The following CREM variants were observed in gnomAD, a reference collection of about 807,000 sequenced individuals.
CREM encodes the protein cAMP-responsive element modulator.
CREM carries 13 observed loss-of-function variants against 37.3 expected under a neutral mutation model. The ratio of observed to expected loss-of-function variants is 0.35; its 90% confidence interval spans 0.23 to 0.55. The LOEUF (loss-of-function observed/expected upper bound fraction) is 0.55. CREM is among the 20% of genes least tolerant of loss of function. The pLI is 0.88. For missense variants in CREM, 296 were observed against 362.3 expected (o/e 0.82, Z 1.49); for synonymous variants, 124 against 120.2 (o/e 1.03, Z -0.21).
intron 2 of CREM, among the ~76,000 whole-genome samples, chr10:35,141,137 A>T (rs1008182067): frequency 2.0e-5 from 3 of 152,114 alleles, no homozygotes; most frequent in Admixed American, 2.0e-4. Context: ...ATTTTTTGAG[A>T]CAGTCTCACT....
intron 6 of CREM, among the ~76,000 whole-genome samples, chr10:35,204,068 A>G (rs949994438): frequency 1.3e-5 from 2 of 152,246 alleles, no homozygotes; most frequent in African/African-American, 4.8e-5. Flanking sequence ...GTGGGTGAAG[A>G]GAAAAAAGAG....
chr10:35,211,140 A>G (rs2095656751), intron 7 of CREM, 114 bp from the exon 8 acceptor site: 1 of 1,092,238 alleles, frequency 9.2e-7, no homozygotes, highest in Non-Finnish European at 1.3e-6. Context: ...GGCTTTGTAC[A>G]GTCCTTACCT....
intron 3 of CREM, among the ~76,000 whole-genome samples, chr10:35,171,710 G>A (rs2093829288): frequency 6.6e-6 from 1 of 152,090 alleles, no homozygotes; most frequent in Non-Finnish European, 1.5e-5. Flanking sequence ...GGACCCCTGG[G>A]TTTCCCCCGC....
chr10:35,140,550 C>CTA (rs1280984762), intron 2 of CREM, among the ~76,000 whole-genome samples: 2 of 152,172 alleles, frequency 1.3e-5, no homozygotes, highest in Non-Finnish European at 2.9e-5. Context: ...ATATACTGTA[C>CTA]TAGGCACTGG....
chr10:35,127,028 CCGCGGCTACCGCATCACAGCTGACGT>C lies in CREM; in HGVS notation c.-219_-194del, dbSNP rs2087894513. ...TTTTGGTCCGGGGTCGGCAGGGAGG[CCGCGGCTACCGCATCACAGCTGACGT>C]GAGGACTACGTGGGGCCGCTGCCGG... On this transcript the variant is annotated 5_prime_UTR_variant, in exon 1 of 8. Transcript: ENST00000685392. 1 of 152,664 alleles carries C rather than the reference CCGCGGCTACCGCATCACAGCTGACGT, an allele frequency of 6.6e-6. No homozygotes were observed. Among genetic ancestry groups the C allele is most frequent in the African/African-American group, 2.4e-5 (1 of 41,448 alleles). The allele number at this position is 152,664 out of a possible 1,614,324, so 9.5% of individuals were successfully genotyped here.
At chr10:35,159,459 G>T (rs2093154309) in intron 3 of CREM, among the ~76,000 whole-genome samples, 1 of 152,018 alleles carries the variant, frequency 6.6e-6, no homozygotes, top group Non-Finnish European at 1.5e-5. Context: ...AACAAAAATG[G>T]CAGGACCACA....
At chr10:35,148,118 A>G (rs1214634218) in intron 2 of CREM, among the ~76,000 whole-genome samples, 2 of 152,196 alleles carry the variant, frequency 1.3e-5, no homozygotes, top group Non-Finnish European at 2.9e-5. Flanking sequence ...TTTATGTTTC[A>G]TATACACCTT....
In CREM at chr10:35,176,424, T is replaced by G. The variant is rs184005144; in HGVS notation, c.169-2465T>G. ...TTTTTTTCTTCTTTTTTTTTTTTTT[T>G]TGAGACAGAGTCTCGCTTTGTCGCC... On this transcript the variant is annotated intron_variant, in intron 3 of 7. Coordinates refer to ENST00000685392, the MANE Select transcript of CREM (RefSeq NM_183011.2). Among the ~76,000 whole-genome samples, 920 of 151,306 alleles carry G rather than the reference T, an allele frequency of 6.1e-3. 6 individuals carry two copies. The highest frequency in any genetic ancestry group is 0.021 in the African/African-American group (866 of 41,266).
rs959782298 is a variant in CREM, at chr10:35,147,046, T to G, written c.45-1322T>G. On this transcript the variant is annotated intron_variant, in intron 2 of 7. Coordinates refer to ENST00000685392, the MANE Select transcript of CREM (RefSeq NM_183011.2). ...AGTTTCTATAAGTTTTTTGGGTTTT[T>G]TTTTTTTTTTTTTTTTTTTTTTAAG... Among the ~76,000 whole-genome samples the G allele has an allele frequency of 4.8e-3, 333 of 69,576 alleles. 2 individuals carry two copies. The highest frequency in any genetic ancestry group is 0.023 in the South Asian group (40 of 1,744). The allele number at this position is 69,576 out of a possible 152,430, so 45.6% of individuals were successfully genotyped here. A position where few individuals can be genotyped will look rare whatever the true frequency, so the allele number is the denominator to read the frequency against.
At chr10:35,130,270 TTAAA>T (rs983516017) in intron 1 of CREM, among the ~76,000 whole-genome samples, 20 of 152,224 alleles carry the variant, frequency 1.3e-4, no homozygotes, top group Non-Finnish European at 2.5e-4. Flanking sequence ...AATGAACATT[TTAAA>T]TAATTATGTT....
chr10:35,130,895 A>G (rs2089242043), intron 1 of CREM, among the ~76,000 whole-genome samples: 2 of 152,238 alleles, frequency 1.3e-5, no homozygotes, highest in Admixed American at 6.5e-5. Flanking sequence ...AGTTATAGCA[A>G]GGTTTACAAA....
At chr10:35,194,719 T>C (rs1482324092) in intron 6 of CREM, among the ~76,000 whole-genome samples, 1 of 151,238 alleles carries the variant, frequency 6.6e-6, no homozygotes, top group Admixed American at 6.6e-5. Context: ...AAATATGGTA[T>C]TTCTTTGCTG....
chr10:35,138,459 C>G (rs2090936237), intron 2 of CREM, among the ~76,000 whole-genome samples: 1 of 151,444 alleles, frequency 6.6e-6, no homozygotes, highest in Non-Finnish European at 1.5e-5. Flanking sequence ...AAAATTTTTT[C>G]AAGGGTAGTG....
intron 3 of CREM, among the ~76,000 whole-genome samples, chr10:35,159,814 A>C (rs994471453): frequency 6.6e-6 from 1 of 152,228 alleles, no homozygotes; most frequent in African/African-American, 2.4e-5. Context: ...TGCAAACTAT[A>C]CATCTGATAA....
In CREM at chr10:35,178,252, T is replaced by C. The variant is rs190254580; in HGVS notation, c.169-637T>C. ...CTGTATTATTACTTGACTTGAAAAA[T>C]GAAATCATGCTTAAAACTCTGATCT... On this transcript the variant is annotated intron_variant, in intron 3 of 7. Coordinates refer to ENST00000685392, the MANE Select transcript of CREM (RefSeq NM_183011.2). Among the ~76,000 whole-genome samples the C allele has an allele frequency of 2.7e-4, 41 of 152,320 alleles. No individual in the cohort carries two copies. In the East Asian group the frequency reaches 6.9e-3, roughly 26 times the overall value.
chr10:35,166,406 C>T (rs1362535952), intron 3 of CREM, among the ~76,000 whole-genome samples: 1 of 151,856 alleles, frequency 6.6e-6, no homozygotes, highest in South Asian at 2.1e-4. Flanking sequence ...ACTAAAATTA[C>T]AAAAATTAAC....
intron 2 of CREM, among the ~76,000 whole-genome samples, chr10:35,144,181 G>A (rs2091797139): frequency 6.6e-6 from 1 of 152,164 alleles, no homozygotes; most frequent in South Asian, 2.1e-4. Flanking sequence ...AGTGGACAGT[G>A]CCCAGTGCTA....
intron 2 of CREM, among the ~76,000 whole-genome samples, chr10:35,139,926 T>C (rs1589307621): frequency 6.6e-6 from 1 of 152,146 alleles, no homozygotes; most frequent in Admixed American, 6.6e-5. Flanking sequence ...GCCTGAAAAA[T>C]GCCTGGTACA....
intron 6 of CREM, among the ~76,000 whole-genome samples, chr10:35,195,623 T>A (rs2095124284): frequency 6.6e-6 from 1 of 152,148 alleles, no homozygotes; most frequent in African/African-American, 2.4e-5. Flanking sequence ...AAACATACAG[T>A]ATATACCGTT....
Sources: gnomAD v4.1 joint callset for allele counts (sites outside exome capture counted in the v4.1 genomes callset) on GRCh38, gnomAD v4.1.1 for gene constraint, MANE v1.5 for transcripts, NCBI Gene and HGNC (gene_info 2026-07-23, HGNC 2026-07-21) for gene names.